The following SOX5 variants were observed in gnomAD, a reference collection of about 807,000 sequenced individuals.
SOX5 encodes the protein SRY-box transcription factor 5, also known as transcription factor SOX-5.
In SOX5, 9 loss-of-function variants were observed where a neutral mutation model predicts 92.0. The observed-to-expected ratio is 0.10, with a 90% CI of 0.06 to 0.17. SOX5 has a LOEUF of 0.17. Among genes scored for constraint, SOX5 ranks in the 10% least tolerant of loss-of-function variants. The pLI, the probability that SOX5 is intolerant of heterozygous loss-of-function variation, is 1.00. For missense variants in SOX5, 642 were observed against 944.5 expected (o/e 0.68, Z 4.20); for synonymous variants, 344 against 336.3 (o/e 1.02, Z -0.25).
At chr12:23,815,675 A>C (rs11047113) in intron 3 of SOX5, among the ~76,000 whole-genome samples, 23,834 of 152,158 alleles carry the variant, frequency 0.16, 2,169 homozygotes, top group East Asian at 0.23. Flanking sequence ...TTCATAATTC[A>C]GTATTTTCTC....
At chr12:24,367,205 G>C (rs947055553) in intron 2 of SOX5, among the ~76,000 whole-genome samples, 1 of 152,078 alleles carries the variant, frequency 6.6e-6, no homozygotes, top group Non-Finnish European at 1.5e-5. Context: ...CTATGAGCTG[G>C]CTCTATAAAT....
intron 4 of SOX5, among the ~76,000 whole-genome samples, chr12:24,014,560 A>C (rs1228566429): frequency 5.9e-5 from 9 of 152,204 alleles, no homozygotes; most frequent in Non-Finnish European, 1.5e-5. Context: ...AACAAATGCA[A>C]CTTGAATTGA....
intron 3 of SOX5, among the ~76,000 whole-genome samples, chr12:24,266,346 A>G (rs1287122586): frequency 6.6e-6 from 1 of 152,148 alleles, no homozygotes; most frequent in South Asian, 2.1e-4. Flanking sequence ...ATATGATAAT[A>G]TATATATGGC....
At chr12:23,785,054 C>G (rs906038809) in intron 3 of SOX5, among the ~76,000 whole-genome samples, 2 of 152,154 alleles carry the variant, frequency 1.3e-5, no homozygotes, top group African/African-American at 2.4e-5. Context: ...TGCACTCTAG[C>G]CTGGGTGACA....
chr12:24,276,755 T>C (rs1944473689), intron 3 of SOX5, among the ~76,000 whole-genome samples: 1 of 152,178 alleles, frequency 6.6e-6, no homozygotes, highest in Non-Finnish European at 1.5e-5. Flanking sequence ...TTCAGCAATA[T>C]TACATTTTCG....
chr12:23,818,391 A>T (rs909150342), intron 3 of SOX5, among the ~76,000 whole-genome samples: 3 of 152,184 alleles, frequency 2.0e-5, no homozygotes, highest in Non-Finnish European at 2.9e-5. Flanking sequence ...TACAGAAAAG[A>T]TACAGTAGAA....
At chr12:24,511,753 T>TTG (rs1949327819) in intron 1 of SOX5, among the ~76,000 whole-genome samples, 1 of 152,070 alleles carries the variant, frequency 6.6e-6, no homozygotes, top group East Asian at 1.9e-4. Context: ...GGTCAGGAGA[T>TTG]CAAGACCATC....
chr12:24,060,444 C>A (rs1208538389), intron 4 of SOX5, among the ~76,000 whole-genome samples: 1 of 152,186 alleles, frequency 6.6e-6, no homozygotes, highest in Non-Finnish European at 1.5e-5. Context: ...AGTCCATATT[C>A]TTATATACAC....
chr12:24,361,863 G>A (rs963979856), intron 2 of SOX5, among the ~76,000 whole-genome samples: 6 of 152,202 alleles, frequency 3.9e-5, no homozygotes, highest in Admixed American at 2.6e-4. Context: ...TTACCTGAGT[G>A]TACAGCAGCA....
intron 4 of SOX5, among the ~76,000 whole-genome samples, chr12:24,035,263 T>C (rs1317414052): frequency 2.0e-5 from 3 of 152,230 alleles, no homozygotes; most frequent in Non-Finnish European, 2.9e-5. Context: ...CTGGTCCTTT[T>C]ATATGGATTT....
intron 4 of SOX5, among the ~76,000 whole-genome samples, chr12:24,070,746 A>G (rs1009828764): frequency 3.9e-5 from 6 of 152,284 alleles, no homozygotes; most frequent in African/African-American, 1.4e-4. Context: ...ATTCAGTAAA[A>G]TAAAAGAATC....
rs185341498 is a variant in SOX5, at chr12:23,911,673, C to T, written c.39-15649G>A. On this transcript the variant is annotated intron_variant, in intron 1 of 14. Coordinates refer to ENST00000451604, the MANE Select transcript of SOX5 (RefSeq NM_006940.6). Reference sequence around the variant, plus strand: ...TGTGAGAGAGACCTAAAGATAGGTTCTAGTACATATTCATGAACTTTGGTT... The same window carrying T: ...TGTGAGAGAGACCTAAAGATAGGTTTTAGTACATATTCATGAACTTTGGTT... Among the ~76,000 whole-genome samples the T allele has an allele frequency of 8.5e-5, 13 of 152,194 alleles. No individual in the cohort carries two copies. In the East Asian group the frequency reaches 2.3e-3, roughly 27 times the overall value.
At chr12:24,520,763 A>T (rs1950198058) in intron 1 of SOX5, among the ~76,000 whole-genome samples, 1 of 152,226 alleles carries the variant, frequency 6.6e-6, no homozygotes, top group African/African-American at 2.4e-5. Context: ...TTAGAATTAG[A>T]GATACACATC....
chr12:24,025,571 T>C (rs1954789723), intron 4 of SOX5, among the ~76,000 whole-genome samples: 1 of 152,004 alleles, frequency 6.6e-6, no homozygotes, highest in Non-Finnish European at 1.5e-5. Context: ...GAAGAATGGA[T>C]CCTTCTTAGG....
At chr12:23,952,941 C>G (rs1945844779), upstream of SOX5, among the ~76,000 whole-genome samples, 1 of 152,078 alleles carries the variant, frequency 6.6e-6, no homozygotes, top group Non-Finnish European at 1.5e-5. Flanking sequence ...TAAACTGATC[C>G]TCCAGAATTT....
At chr12:23,669,955 G>A (rs7307762) in intron 6 of SOX5, among the ~76,000 whole-genome samples, 148,198 of 152,234 alleles carry the variant, frequency 0.97, 72,250 homozygotes, top group East Asian at 1. Context: ...TAATGAGAAT[G>A]GCCTAGACAA....
At chr12:24,534,216 G>T (rs1289178306) in intron 1 of SOX5, among the ~76,000 whole-genome samples, 1 of 151,216 alleles carries the variant, frequency 6.6e-6, no homozygotes, top group Non-Finnish European at 1.5e-5. Flanking sequence ...ATTCAAATGG[G>T]ACAAAAGCTG....
rs764519295 is a variant in SOX5 at position 23,604,423 on chromosome 12, T to A, written c.1128A>T (p.Thr376=). The A allele has an allele frequency of 1.2e-6, 2 of 1,613,702 alleles. No homozygotes were observed. Among genetic ancestry groups the A allele is most frequent in the African/African-American group, 2.7e-5 (2 of 74,904 alleles). Reference sequence around the variant, plus strand: ...GTGGTGGGCTGTTTGTGCTCTTGTCTGTGTGAATGCTGGTAGGAGATACAG... The same window carrying A: ...GTGGTGGGCTGTTTGTGCTCTTGTCAGTGTGAATGCTGGTAGGAGATACAG... ...GAAVSPTSIH[T]DKSTNSPPPK... The change falls in exon 9 of 15, where the codon ACA becomes ACT. Residue 376 remains threonine, a synonymous_variant. Coordinates refer to ENST00000451604, the MANE Select transcript of SOX5 (RefSeq NM_006940.6).
intron 6 of SOX5, among the ~76,000 whole-genome samples, chr12:23,673,983 C>G (rs1279283693): frequency 6.6e-6 from 1 of 152,062 alleles, no homozygotes; most frequent in Non-Finnish European, 1.5e-5. Context: ...TATATAACTT[C>G]ACTAATACCT....
Sources: gnomAD v4.1 joint callset for allele counts (sites outside exome capture counted in the v4.1 genomes callset) on GRCh38, gnomAD v4.1.1 for gene constraint, MANE v1.5 for transcripts, NCBI Gene and HGNC (gene_info 2026-07-23, HGNC 2026-07-21) for gene names.